SFTPB: variants seen among roughly 807,000 people sequenced by gnomAD.
SFTPB encodes surfactant protein B.
Under a neutral mutation model 51.0 loss-of-function variants are expected in SFTPB, and 32 were observed. That is an observed-to-expected ratio of 0.63 (90% CI 0.47 to 0.84). The LOEUF (loss-of-function observed/expected upper bound fraction) is 0.84, where lower values mean the gene tolerates loss of function less well. SFTPB is among the 40% of genes least tolerant of loss of function. The pLI is 0.00. For missense variants in SFTPB, 431 were observed against 491.2 expected (o/e 0.88, Z 1.16); for synonymous variants, 211 against 208.5 (o/e 1.01, Z -0.10).
rs759795102 is a variant in SFTPB, at chr2:85,667,674, C to T, written c.195+5G>A. 4.0e-5 allele frequency: 64 copies of T among 1,614,138 alleles called. No individual in the cohort carries two copies. On this transcript the variant is annotated splice_donor_5th_base_variant and intron_variant, in intron 2 of 10. Transcript: ENST00000519937. ...CAGTTGCCATGCATCCTTGGTGGTA[C>T]TCACGGCTCCCACATGTCCCCAGAC...
At position 85,666,217 on chromosome 2, in the gene SFTPB, G is replaced by C. The variant is rs2576402; in HGVS notation, c.393+400C>G. On this transcript the variant is annotated intron_variant, in intron 4 of 10. Transcript: ENST00000519937. ...CCAGCTGGGGTGCTGTGTGTGTGCT[G>C]TGTGTGTGTGTGTGTGTGTGTGTGT... 7.6e-3 allele frequency among the ~76,000 whole-genome samples: 581 copies of C among 76,652 alleles called. 11 individuals carry two copies. Among genetic ancestry groups the C allele is most frequent in the African/African-American group, 0.028 (384 of 13,676 alleles). 50.3% of individuals were successfully genotyped at this position (76,652 alleles called of 152,430 possible).
chr2:85,665,895 C>T (rs1677561313), intron 4 of SFTPB, 101 bp from the exon 5 acceptor site: 6 of 1,120,414 alleles, frequency 5.4e-6, no homozygotes, highest in Middle Eastern at 4.0e-4. Context: ...TGGGAGGAAG[C>T]AGGCCTAGTG....
Position 85,666,578 on chromosome 2 carries a change from C to T in SFTPB, c.393+39G>A, listed in dbSNP as rs368704976. On this transcript the variant is annotated intron_variant, in intron 4 of 10. Coordinates refer to ENST00000519937, the MANE Select transcript of SFTPB (RefSeq NM_000542.5). ...CCCCATGGGTGGGCACAGGGGCCTG[C>T]GTGGGGAGGCAGGCAGGAGGTGAGC... is the stretch of plus-strand genomic sequence containing the variant. The T allele has an allele frequency of 2.9e-5, 47 of 1,605,390 alleles. 1 individual carries two copies. The highest frequency in any genetic ancestry group is 1.5e-4 in the South Asian group (14 of 90,720).
At chr2:85,660,464 T>TC (rs70953957) in intron 10 of SFTPB, among the ~76,000 whole-genome samples, 1 of 142,486 alleles carries the variant, frequency 7.0e-6, no homozygotes, top group East Asian at 2.1e-4. Context: ...TTTTTTTTTT[T>TC]CCTGAGACAG....
intron 1 of SFTPB, 46 bp from the exon 2 acceptor site, chr2:85,667,852 C>T: frequency 2.5e-6 from 4 of 1,613,570 alleles, no homozygotes; most frequent in Non-Finnish European, 3.4e-6. Context: ...CCAGGCTACA[C>T]ACCTGGCATC....
chr2:85,665,337 G>A lies in SFTPB; in HGVS notation c.624C>T (p.Cys208=). 3 of 1,614,122 alleles carry A rather than the reference G, an allele frequency of 1.9e-6. No individual in the cohort carries two copies. The highest frequency in any genetic ancestry group is 2.5e-6 in the Non-Finnish European group (3 of 1,179,980). The change falls in exon 6 of 11, where the codon TGC becomes TGT. Residue 208 remains cysteine (C), a synonymous_variant. Transcript: ENST00000519937. ...GCTTGATCAGAGCCCTGCAGAGCCA[G>A]CAATAGGGGAGAGGAATGGGGAATT... is the stretch of plus-strand genomic sequence containing the variant. The part of the protein sequence containing the change: ...EQQFPIPLPY[C]WLCRALIKRI...
intron 8 of SFTPB, among the ~76,000 whole-genome samples, chr2:85,662,595 C>T (rs1213900971): frequency 1.3e-5 from 2 of 152,108 alleles, no homozygotes; most frequent in African/African-American, 4.8e-5. Flanking sequence ...AATCCCAGCA[C>T]TTTGGGAGGC....
In SFTPB at chr2:85,663,794, C is replaced by T. The variant is rs144359413; in HGVS notation, c.726G>A (p.Ala242=). Reference sequence around the variant, plus strand: ...CAGCCAGGCACTGGCAGATGCCGCCCGCCACCAGAGGTACCACGCGGCACA... The same window carrying T: ...CAGCCAGGCACTGGCAGATGCCGCCTGCCACCAGAGGTACCACGCGGCACA... ...AQVCRVVPLV[A]GGICQCLAER... The change falls in exon 7 of 11, where the codon GCG becomes GCA. Residue 242 remains alanine (A), a synonymous_variant. Coordinates refer to ENST00000519937, the MANE Select transcript of SFTPB (RefSeq NM_000542.5). 5.6e-5 allele frequency: 90 copies of T among 1,602,552 alleles called. No homozygotes were observed. The highest frequency in any genetic ancestry group is 7.1e-5 in the Non-Finnish European group (83 of 1,175,922).
Position 85,668,151 on chromosome 2 carries a change from C to A in SFTPB, c.33G>T (p.Leu11=). MAESHLLQWL[L]LLLPTLCGPG... is the part of the protein sequence containing the mutation. The stretch of plus-strand genomic sequence containing the variant: ...GGCCACAGAGCGTGGGCAGCAGCAG[C>A]AGCAGCCACTGCAGCAGGTGTGACT... The change falls in exon 1 of 11, where the codon CTG becomes CTT. Residue 11 remains leucine (L), a synonymous_variant. Transcript: ENST00000519937. The A allele has an allele frequency of 6.4e-7, 1 of 1,551,212 alleles. No individual in the cohort carries two copies. Among genetic ancestry groups the A allele is most frequent in the Non-Finnish European group, 8.7e-7 (1 of 1,146,888 alleles).
chr2:85,662,630 C>T (rs1208535185), intron 8 of SFTPB, among the ~76,000 whole-genome samples: 2 of 152,072 alleles, frequency 1.3e-5, no homozygotes, highest in Non-Finnish European at 2.9e-5. Flanking sequence ...CACTTCAGGT[C>T]AGGGGTTCGA....
Position 85,665,280 on chromosome 2 carries a change from A to T in SFTPB, c.672+9T>A. On this transcript the variant is annotated intron_variant, in intron 6 of 10. Coordinates refer to ENST00000519937, the MANE Select transcript of SFTPB (RefSeq NM_000542.5). The stretch of plus-strand genomic sequence containing the variant: ...GCTCCTGGGCTCTGTGAGGCCCTGG[A>T]TGCCTCACCTTGGGAATCATGGCTT... 6.2e-7 allele frequency: 1 copy of T among 1,604,216 alleles called. No individual in the cohort carries two copies. The highest frequency in any genetic ancestry group is 8.5e-7 in the Non-Finnish European group (1 of 1,171,074).
chr2:85,660,574 T>C (rs1212829328), intron 10 of SFTPB, among the ~76,000 whole-genome samples: 4 of 150,976 alleles, frequency 2.6e-5, no homozygotes, highest in African/African-American at 9.8e-5. Context: ...CTAAGCGTCC[T>C]GAGTAGCTGG....
intron 8 of SFTPB, 88 bp downstream of exon 8, chr2:85,663,258 G>C (rs2104399534): frequency 5.1e-6 from 8 of 1,557,052 alleles, no homozygotes; most frequent in Non-Finnish European, 7.0e-6. Context: ...GCCCATCCTA[G>C]GTGTCTCTGG....
chr2:85,662,603 G>T (rs1677363209), intron 8 of SFTPB, among the ~76,000 whole-genome samples: 1 of 152,098 alleles, frequency 6.6e-6, no homozygotes, highest in African/African-American at 2.4e-5. Flanking sequence ...CACTTTGGGA[G>T]GCCAAGGCGG....
At chr2:85,660,498 A>G (rs2104390679) in intron 10 of SFTPB, among the ~76,000 whole-genome samples, 1 of 128,512 alleles carries the variant, frequency 7.8e-6, no homozygotes, top group South Asian at 2.4e-4. Flanking sequence ...TGCCTAGGCT[A>G]GAGTGCAGTG....
At chr2:85,667,879 T>C (rs1677737296) in intron 1 of SFTPB, 73 bp from the exon 2 acceptor site, 28 of 1,604,276 alleles carry the variant, frequency 1.7e-5, no homozygotes, top group Non-Finnish European at 2.2e-5. Context: ...TCACCCACCC[T>C]CTAGACCCAG....
chr2:85,666,922 A>T (rs1677678089), intron 3 of SFTPB, among the ~76,000 whole-genome samples, 180 bp from the exon 4 acceptor site: 1 of 152,020 alleles, frequency 6.6e-6, no homozygotes, highest in Non-Finnish European at 1.5e-5. Flanking sequence ...AGGGAAGACC[A>T]TCTCTGGCTG....
intron 10 of SFTPB, among the ~76,000 whole-genome samples, chr2:85,660,477 T>C (rs1211588767): frequency 8.0e-6 from 1 of 124,250 alleles, no homozygotes; most frequent in Non-Finnish European, 1.6e-5. Context: ...TGAGACAGAG[T>C]TGTGCTCTGT....
intron 5 of SFTPB, 80 bp from the exon 6 acceptor site, chr2:85,665,458 C>G: frequency 7.0e-7 from 1 of 1,432,592 alleles, no homozygotes; most frequent in South Asian, 1.2e-5. Context: ...TCTCTTCCTC[C>G]CTTTCTCTCC....
Sources: gnomAD v4.1 joint callset for allele counts (sites outside exome capture counted in the v4.1 genomes callset) on GRCh38, gnomAD v4.1.1 for gene constraint, MANE v1.5 for transcripts, NCBI Gene and HGNC (gene_info 2026-07-23, HGNC 2026-07-21) for gene names.